ATP2C2: variants seen among roughly 807,000 people sequenced by gnomAD.
ATP2C2 encodes ATPase secretory pathway Ca2+ transporting 2, also known as calcium-transporting ATPase type 2C member 2.
In ATP2C2, 171 loss-of-function variants were observed where a neutral mutation model predicts 110.8. The ratio of observed to expected loss-of-function variants is 1.54; its 90% confidence interval spans 1.36 to 1.75. The LOEUF is 1.75. Ranked by LOEUF, ATP2C2 falls within the 40% of genes most tolerant of loss-of-function variation. The pLI is 0.00. For missense variants in ATP2C2, 1,963 were observed against 1,235.0 expected (o/e 1.59, Z -8.84); for synonymous variants, 804 against 508.4 (o/e 1.58, Z -7.82).
At chr16:84,401,051 G>A (rs569660421) in intron 2 of ATP2C2, among the ~76,000 whole-genome samples, 1 of 152,000 alleles carries the variant, frequency 6.6e-6, no homozygotes, top group Non-Finnish European at 1.5e-5. Context: ...TTCCTTTGCT[G>A]TGCAGAAGCC....
intron 3 of ATP2C2, among the ~76,000 whole-genome samples, chr16:84,405,606 A>G (rs554801034): frequency 6.6e-6 from 1 of 152,300 alleles, no homozygotes; most frequent in Admixed American, 6.5e-5. Context: ...AGCAAATAAC[A>G]ATATAGGATG....
intron 13 of ATP2C2, among the ~76,000 whole-genome samples, chr16:84,440,167 G>C (rs1054104086): frequency 2.6e-5 from 4 of 152,184 alleles, no homozygotes; most frequent in Non-Finnish European, 5.9e-5. Context: ...GGGTCTTGCT[G>C]TGTCGCCCAG....
chr16:84,377,628 A>G lies in ATP2C2; in HGVS notation c.99+8914A>G, dbSNP rs147664464. Among the ~76,000 whole-genome samples, 96 of 152,196 alleles carry G rather than the reference A, an allele frequency of 6.3e-4. 1 individual carries two copies. The highest frequency in any genetic ancestry group is 2.2e-3 in the African/African-American group (91 of 41,540). ...GTCGTATTGGATTAAGGCCCCACCA[A>G]TGACATCATTTAGCTGTAATGACCT... On this transcript the variant is annotated intron_variant, in intron 1 of 26. Coordinates refer to ENST00000262429, the MANE Select transcript of ATP2C2 (RefSeq NM_014861.4).
chr16:84,408,643 C>T, intron 4 of ATP2C2, 149 bp downstream of exon 4: 3 of 635,124 alleles, frequency 4.7e-6, no homozygotes, highest in Non-Finnish European at 8.1e-6. Flanking sequence ...AAATCCACAT[C>T]CTTCTTTACC....
intron 2 of ATP2C2, among the ~76,000 whole-genome samples, chr16:84,402,671 A>G (rs1475472501): frequency 6.6e-6 from 1 of 152,106 alleles, no homozygotes; most frequent in Non-Finnish European, 1.5e-5. Context: ...TTTCATTTTA[A>G]TGTGTTATTG....
chr16:84,412,590 G>C (rs561619616), intron 6 of ATP2C2, among the ~76,000 whole-genome samples: 16 of 151,780 alleles, frequency 1.1e-4, no homozygotes, highest in African/African-American at 3.9e-4. Flanking sequence ...GTGGAGATGG[G>C]GTTTCACTAT....
chr16:84,439,960 A>G (rs1282885293), intron 13 of ATP2C2, among the ~76,000 whole-genome samples: 1 of 152,126 alleles, frequency 6.6e-6, no homozygotes, highest in Non-Finnish European at 1.5e-5. Context: ...TCAGCTTCCC[A>G]AGTAGCTGGG....
At chr16:84,394,011 T>TA (rs71384807) in intron 1 of ATP2C2, among the ~76,000 whole-genome samples, 2 of 116,576 alleles carry the variant, frequency 1.7e-5, no homozygotes, top group Non-Finnish European at 3.6e-5. Context: ...CCAAAAAAAA[T>TA]AAAAAAATAA....
intron 1 of ATP2C2, among the ~76,000 whole-genome samples, chr16:84,391,757 G>A (rs73243705): frequency 6.6e-6 from 1 of 152,200 alleles, no homozygotes; most frequent in African/African-American, 2.4e-5. Flanking sequence ...AACAAATTTC[G>A]GTTGTTTTAA....
In ATP2C2 at chr16:84,426,182, C is replaced by A. The variant is rs572311711; in HGVS notation, c.986+381C>A. 2.9e-5 allele frequency: 6 copies of A among 205,258 alleles called. No individual in the cohort carries two copies. The East Asian group carries it at 7.3e-4, about 25-fold the overall frequency. 12.7% of individuals were successfully genotyped at this position (205,258 alleles called of 1,614,324 possible). Reference sequence around the variant, plus strand: ...GGGGAGGCTCCAGGAAGTTTCCAATCAAGGCGGAAGGGGAAGGGGGAGCAG... The same window carrying A: ...GGGGAGGCTCCAGGAAGTTTCCAATAAAGGCGGAAGGGGAAGGGGGAGCAG... On this transcript the variant is annotated intron_variant, in intron 11 of 26. Transcript: ENST00000262429.
chr16:84,418,658 C>T (rs906185166), intron 7 of ATP2C2, among the ~76,000 whole-genome samples: 3 of 152,156 alleles, frequency 2.0e-5, no homozygotes, highest in East Asian at 3.9e-4. Context: ...CGGCAGTGGG[C>T]GGTGGAGGGG....
intron 7 of ATP2C2, among the ~76,000 whole-genome samples, chr16:84,419,440 G>A (rs1208068944): frequency 2.0e-5 from 3 of 152,054 alleles, no homozygotes; most frequent in Non-Finnish European, 4.4e-5. Context: ...TGATCTCACG[G>A]GGCCCACCCC....
intron 6 of ATP2C2, among the ~76,000 whole-genome samples, chr16:84,411,816 T>C (rs1308918717): frequency 1.3e-5 from 2 of 152,236 alleles, no homozygotes; most frequent in African/African-American, 4.8e-5. Flanking sequence ...GGCTACCATA[T>C]TGGGCAGCTC....
At chr16:84,459,923 A>T (rs764811382) in intron 23 of ATP2C2, 1 of 280,168 alleles carries the variant, frequency 3.6e-6, no homozygotes, top group Non-Finnish European at 7.0e-6. Context: ...CCGCCACTTA[A>T]TATCCCCTTC....
At position 84,439,363 on chromosome 16, in the gene ATP2C2, C is replaced by T. The variant is rs943221481; in HGVS notation, c.1112-64C>T. ...GGCTTGGCTGTCAGGGCAATCCAGC[C>T]TGGGGGTTTCACAAGCCTGAGGATG... On this transcript the variant is annotated intron_variant, in intron 12 of 26. Transcript: ENST00000262429. The T allele has an allele frequency of 1.6e-5, 26 of 1,612,136 alleles. No individual in the cohort carries two copies. The African/African-American group carries it at 3.0e-4, about 18-fold the overall frequency.
At position 84,368,631 on chromosome 16, in the gene ATP2C2, G is replaced by C; in HGVS notation, c.16G>C (p.Val6Leu). The C allele has an allele frequency of 6.4e-7, 1 of 1,561,126 alleles. No individual in the cohort carries two copies. Among genetic ancestry groups the C allele is most frequent in the Non-Finnish European group, 8.7e-7 (1 of 1,154,058 alleles). Residue 6 changes from valine (V) to leucine (L), a missense_variant, in exon 1 of 27, where the codon GTC (valine) becomes CTC (leucine). Physicochemically the swap from Val to Leu is conservative, Grantham distance 32. Coordinates refer to ENST00000262429, the MANE Select transcript of ATP2C2 (RefSeq NM_014861.4). The stretch of plus-strand genomic sequence containing the variant: ...CCCGCTCACCATGGTCGAGGGACGC[G>C]TCTCCGAGTTCCTGAAGAAACTCGG... MVEGR[V>L]SEFLKKLGFS... is the part of the protein sequence containing the mutation.
intron 11 of ATP2C2, among the ~76,000 whole-genome samples, chr16:84,431,365 T>A (rs1908260779): frequency 6.6e-6 from 1 of 151,980 alleles, no homozygotes; most frequent in Admixed American, 6.6e-5. Context: ...CATGGTGGTG[T>A]GTACCTGTAA....
chr16:84,451,640 C>A (rs1910273707), intron 17 of ATP2C2, among the ~76,000 whole-genome samples: 3 of 152,138 alleles, frequency 2.0e-5, no homozygotes, highest in Admixed American at 2.0e-4. Context: ...GAGTTTGAGA[C>A]CAGCCTGGCC....
At chr16:84,410,984 G>C in intron 6 of ATP2C2, 1 of 585,158 alleles carries the variant, frequency 1.7e-6, no homozygotes, top group African/African-American at 1.9e-5. Context: ...CATCATCAGT[G>C]TCTAAATCAG....
Sources: gnomAD v4.1 joint callset for allele counts (sites outside exome capture counted in the v4.1 genomes callset) on GRCh38, gnomAD v4.1.1 for gene constraint, MANE v1.5 for transcripts, NCBI Gene and HGNC (gene_info 2026-07-23, HGNC 2026-07-21) for gene names.